The following CLEC19A variants were observed in gnomAD, a reference collection of about 807,000 sequenced individuals.
CLEC19A encodes C-type lectin domain containing 19A, also known as C-type lectin domain family 19 member A.
A neutral mutation model predicts 26.1 loss-of-function variants in CLEC19A; 21 were observed. The observed-to-expected ratio is 0.80, with a 90% CI of 0.57 to 1.16. The LOEUF is 1.16. Among genes scored for constraint, CLEC19A ranks in the 50% most tolerant of loss-of-function variants. The pLI is 0.00. For synonymous variants in CLEC19A, 89 were observed against 88.6 expected (o/e 1.00, Z -0.03); for missense variants, 224 against 227.6 (o/e 0.98, Z 0.10).
intron 1 of CLEC19A, among the ~76,000 whole-genome samples, chr16:19,288,142 T>C (rs1288684337): frequency 6.6e-6 from 1 of 152,198 alleles, no homozygotes; most frequent in South Asian, 2.1e-4. Context: ...GAGCCAACCA[T>C]GGTCATCACT....
chr16:19,290,940 G>A (rs1368549860), intron 1 of CLEC19A, among the ~76,000 whole-genome samples: 1 of 152,188 alleles, frequency 6.6e-6, no homozygotes, highest in African/African-American at 2.4e-5. Flanking sequence ...CTGGGCTCAA[G>A]TGATGCTCCC....
At chr16:19,297,422 G>A (rs1325276199) in intron 1 of CLEC19A, among the ~76,000 whole-genome samples, 1 of 152,190 alleles carries the variant, frequency 6.6e-6, no homozygotes, top group African/African-American at 2.4e-5. Flanking sequence ...GTTACCATGG[G>A]AGGATAAATT....
chr16:19,296,541 A>G (rs16971792), intron 1 of CLEC19A, among the ~76,000 whole-genome samples: 9,632 of 152,186 alleles, frequency 0.063, 676 homozygotes, highest in African/African-American at 0.18. Context: ...AAGACTGTGA[A>G]CTATTCTTAG....
At chr16:19,293,462 ATTT>A (rs56127926) in intron 1 of CLEC19A, among the ~76,000 whole-genome samples, 7 of 149,972 alleles carry the variant, frequency 4.7e-5, no homozygotes, top group African/African-American at 1.5e-4. Flanking sequence ...AATTTTTTTA[ATTT>A]TTTTTTTTTG....
At chr16:19,301,836 C>T (rs1897842597) in intron 2 of CLEC19A, among the ~76,000 whole-genome samples, 1 of 144,630 alleles carries the variant, frequency 6.9e-6, no homozygotes, top group African/African-American at 2.5e-5. Flanking sequence ...CGTGATCTGC[C>T]TCCCTCGGCC....
At chr16:19,295,612 C>A (rs179208) in intron 1 of CLEC19A, among the ~76,000 whole-genome samples, 1 of 152,134 alleles carries the variant, frequency 6.6e-6, no homozygotes, top group South Asian at 2.1e-4. Flanking sequence ...TTTTAGGACA[C>A]GTGGGAGTGA....
intron 1 of CLEC19A, among the ~76,000 whole-genome samples, chr16:19,294,549 G>GA (rs932148834): frequency 3.9e-5 from 6 of 152,138 alleles, no homozygotes; most frequent in Non-Finnish European, 5.9e-5. Context: ...GAAACCAGGG[G>GA]AAAAACATCC....
intron 4 of CLEC19A, among the ~76,000 whole-genome samples, chr16:19,307,926 GT>G (rs903909755): frequency 1.3e-5 from 2 of 152,168 alleles, no homozygotes; most frequent in African/African-American, 4.8e-5. Flanking sequence ...ATGAAAAGAT[GT>G]TATAAATAGA....
At position 19,285,810 on chromosome 16, in the gene CLEC19A, C is replaced by G; in HGVS notation, c.-42C>G. 1 of 1,527,946 alleles carries G rather than the reference C, an allele frequency of 6.5e-7. No individual in the cohort carries two copies. Among genetic ancestry groups the G allele is most frequent in the Non-Finnish European group, 8.9e-7 (1 of 1,126,974 alleles). 94.6% of individuals were successfully genotyped at this position (1,527,946 alleles called of 1,614,324 possible). ...CCCAAGCTCCAGCCAAAAAGCCTCT[C>G]TCCTCCACTCAGGCTGGGAGGTTGC... On this transcript the variant is annotated 5_prime_UTR_variant, in exon 1 of 5. Transcript: ENST00000636231.
intron 1 of CLEC19A, among the ~76,000 whole-genome samples, chr16:19,293,647 G>C (rs1897639070): frequency 6.6e-6 from 1 of 151,874 alleles, no homozygotes; most frequent in African/African-American, 2.4e-5. Context: ...TAAGAGACAG[G>C]GTCTCACTAT....
At chr16:19,307,196 C>G (rs141869088) in intron 3 of CLEC19A, among the ~76,000 whole-genome samples, 49 of 152,300 alleles carry the variant, frequency 3.2e-4, no homozygotes, top group African/African-American at 9.6e-4. Context: ...ATTCCCAGCA[C>G]TAATGCTTTA....
intron 2 of CLEC19A, among the ~76,000 whole-genome samples, chr16:19,302,374 G>T (rs758407472): frequency 5.9e-5 from 9 of 152,136 alleles, no homozygotes; most frequent in Non-Finnish European, 1.0e-4. Flanking sequence ...CCTTCATAGA[G>T]CAGTCATTTG....
In CLEC19A at chr16:19,298,857, G is replaced by T. The variant is rs939210554; in HGVS notation, c.254+19G>T. On this transcript the variant is annotated intron_variant, in intron 2 of 4. Coordinates refer to ENST00000636231, the MANE Select transcript of CLEC19A (RefSeq NM_001256720.2). ...TCCACAGGTAAGTGGGATCCCCAGT[G>T]CCCCATAGTTCAACTAAGCACCCCC... 1.9e-6 allele frequency: 3 copies of T among 1,544,954 alleles called. No individual in the cohort carries two copies. In the African/African-American group the frequency reaches 4.1e-5, roughly 21 times the overall value.
At chr16:19,290,667 G>A (rs1897564682) in intron 1 of CLEC19A, among the ~76,000 whole-genome samples, 1 of 152,158 alleles carries the variant, frequency 6.6e-6, no homozygotes, top group African/African-American at 2.4e-5. Context: ...TCACCTATGG[G>A]ATCCTTGAAG....
chr16:19,296,260 G>A (rs1208002027), intron 1 of CLEC19A, among the ~76,000 whole-genome samples: 3 of 152,200 alleles, frequency 2.0e-5, no homozygotes, highest in East Asian at 1.9e-4. Context: ...TGAGAAGCAT[G>A]GCCTGGAAAC....
At chr16:19,307,080 C>T (rs994930381) in intron 3 of CLEC19A, among the ~76,000 whole-genome samples, 3 of 152,170 alleles carry the variant, frequency 2.0e-5, no homozygotes, top group South Asian at 2.1e-4. Context: ...AAGAAAAACA[C>T]GGACTATTTA....
intron 3 of CLEC19A, among the ~76,000 whole-genome samples, chr16:19,305,398 T>C (rs914465086): frequency 6.6e-6 from 1 of 152,014 alleles, no homozygotes; most frequent in Non-Finnish European, 1.5e-5. Context: ...TAGGGGTGGG[T>C]GTATAATAAG....
At chr16:19,293,180 C>G (rs1897626138) in intron 1 of CLEC19A, among the ~76,000 whole-genome samples, 1 of 152,182 alleles carries the variant, frequency 6.6e-6, no homozygotes, top group African/African-American at 2.4e-5. Context: ...AAATTCTGAG[C>G]AGTTCCAGCC....
At chr16:19,292,843 G>C (rs374603494) in intron 1 of CLEC19A, among the ~76,000 whole-genome samples, 4 of 152,320 alleles carry the variant, frequency 2.6e-5, no homozygotes, top group South Asian at 4.1e-4. Flanking sequence ...AGAGTAAGGA[G>C]GGGGTGAATG....
Sources: gnomAD v4.1 joint callset for allele counts (sites outside exome capture counted in the v4.1 genomes callset) on GRCh38, gnomAD v4.1.1 for gene constraint, MANE v1.5 for transcripts, NCBI Gene and HGNC (gene_info 2026-07-23, HGNC 2026-07-21) for gene names.